The following XRCC6 variants were observed in gnomAD, a reference collection of about 807,000 sequenced individuals.
XRCC6 encodes the protein DNA repair protein Ku70.
XRCC6 carries 5 observed loss-of-function variants against 65.7 expected under a neutral mutation model. That is an observed-to-expected ratio of 0.08 (90% CI 0.04 to 0.16). The LOEUF (loss-of-function observed/expected upper bound fraction) is 0.16, where lower values mean the gene tolerates loss of function less well. XRCC6 is among the 10% of genes least tolerant of loss of function. The pLI, the probability that XRCC6 is intolerant of heterozygous loss-of-function variation, is 1.00. For synonymous variants in XRCC6, 270 were observed against 270.6 expected, an observed-to-expected ratio of 1.00 and a Z score of 0.02; for missense variants, 447 against 738.1, an observed-to-expected ratio of 0.61 and a Z score of 4.57.
At chr22:41,628,074 A>G in intron 2 of XRCC6, 44 bp from the exon 3 acceptor site, 1 of 1,376,534 alleles carries the variant, frequency 7.3e-7, no homozygotes, top group Non-Finnish European at 1.0e-6. Flanking sequence ...GTAAACAAAT[A>G]CGAAAACAAG....
chr22:41,626,384 A>C (rs564484228), intron 2 of XRCC6, among the ~76,000 whole-genome samples: 14 of 152,258 alleles, frequency 9.2e-5, no homozygotes, highest in African/African-American at 3.4e-4. Flanking sequence ...CTCGTGATCC[A>C]CATGCCTCGG....
intron 9 of XRCC6, 151 bp from the exon 10 acceptor site, chr22:41,656,752 T>C: frequency 1.1e-6 from 1 of 947,892 alleles, no homozygotes; most frequent in Non-Finnish European, 1.5e-6. Flanking sequence ...AGGCAGATGA[T>C]AACAAAAACC....
chr22:41,658,489 C>A, intron 11 of XRCC6, 137 bp downstream of exon 11: 1 of 791,348 alleles, frequency 1.3e-6, no homozygotes, highest in Non-Finnish European at 2.1e-6. Context: ...TGTTTGGAAG[C>A]TTTTCCAGAC....
chr22:41,653,446 A>G (rs2068018882), intron 8 of XRCC6, 83 bp from the exon 9 acceptor site: 4 of 1,324,950 alleles, frequency 3.0e-6, no homozygotes, highest in Non-Finnish European at 4.1e-6. Flanking sequence ...TTTAAAGAAA[A>G]TGGAAGAGAA....
chr22:41,626,256 C>T (rs1163169653), intron 2 of XRCC6, among the ~76,000 whole-genome samples: 1 of 151,764 alleles, frequency 6.6e-6, no homozygotes, highest in Non-Finnish European at 1.5e-5. Flanking sequence ...GATTCTCCCA[C>T]CTCAGCCTCC....
intron 6 of XRCC6, among the ~76,000 whole-genome samples, chr22:41,638,317 G>C (rs1014834351): frequency 7.2e-5 from 11 of 152,148 alleles, no homozygotes; most frequent in African/African-American, 2.7e-4. Flanking sequence ...TGCAAACATA[G>C]AGGGTACTTC....
chr22:41,623,034 T>C (rs2067628190), intron 2 of XRCC6, among the ~76,000 whole-genome samples: 1 of 152,136 alleles, frequency 6.6e-6, no homozygotes, highest in African/African-American at 2.4e-5. Context: ...TACCAGCATT[T>C]TGACATTTTT....
intron 2 of XRCC6, among the ~76,000 whole-genome samples, chr22:41,627,615 A>G (rs1293935968): frequency 1.3e-5 from 2 of 151,370 alleles, no homozygotes; most frequent in African/African-American, 4.8e-5. Flanking sequence ...GTCTCAAAAA[A>G]AAAAAAAAAA....
intron 9 of XRCC6, among the ~76,000 whole-genome samples, chr22:41,655,327 GT>G (rs200998071): frequency 0.026 from 3,653 of 141,240 alleles, 108 homozygotes; most frequent in African/African-American, 0.071. Context: ...ATTCATTTTA[GT>G]TTTTTTTTTT....
intron 3 of XRCC6, among the ~76,000 whole-genome samples, chr22:41,635,796 C>G (rs2067803367): frequency 1.3e-5 from 2 of 152,122 alleles, no homozygotes; most frequent in Non-Finnish European, 2.9e-5. Flanking sequence ...CCCACCTCAG[C>G]CTCCCAAAGT....
intron 8 of XRCC6, among the ~76,000 whole-genome samples, chr22:41,652,863 G>A (rs184385572): frequency 8.2e-4 from 124 of 151,682 alleles, no homozygotes; most frequent in African/African-American, 2.9e-3. Flanking sequence ...TAGTAGAGAT[G>A]GGGTTTTACC....
intron 2 of XRCC6, among the ~76,000 whole-genome samples, chr22:41,624,629 A>T (rs1225043483): frequency 6.7e-6 from 1 of 148,836 alleles, no homozygotes; most frequent in Non-Finnish European, 1.5e-5. Context: ...CAGAGCTTGC[A>T]GTGAGCTGAG....
intron 3 of XRCC6, among the ~76,000 whole-genome samples, chr22:41,632,195 T>G (rs1234261049): frequency 6.6e-6 from 1 of 151,982 alleles, no homozygotes; most frequent in Non-Finnish European, 1.5e-5. Flanking sequence ...GGAGAGGGAT[T>G]ACTGTTTCTT....
At chr22:41,640,499 G>A (rs933574832) in intron 6 of XRCC6, among the ~76,000 whole-genome samples, 1 of 152,104 alleles carries the variant, frequency 6.6e-6, no homozygotes, top group Non-Finnish European at 1.5e-5. Context: ...TAACCAGGCT[G>A]GTCTGAGACT....
chr22:41,623,532 C>T (rs891629614), intron 2 of XRCC6, among the ~76,000 whole-genome samples: 1 of 151,870 alleles, frequency 6.6e-6, no homozygotes, highest in African/African-American at 2.4e-5. Context: ...GGACCATAGG[C>T]GCCCACCACC....
In XRCC6 at chr22:41,628,225, A is replaced by G. The variant is rs2067699883; in HGVS notation, c.190A>G (p.Ile64Val). The G allele has an allele frequency of 6.2e-7, 1 of 1,611,906 alleles. No individual in the cohort carries two copies. The highest frequency in any genetic ancestry group is 1.3e-5 in the African/African-American group (1 of 74,838). The change falls in exon 3 of 13, where the codon ATC becomes GTC. Residue 64 changes from isoleucine (I) to valine (V), a missense_variant. Coordinates refer to ENST00000360079, the MANE Select transcript of XRCC6 (RefSeq NM_001469.5). ...EDELTPFDMS[I>V]QCIQSVYISK... ...TGAGTTGACACCTTTTGACATGAGC[A>G]TCCAGGTAAGACTACCTTTTAATTT...
At chr22:41,638,409 A>G (rs973178525) in intron 6 of XRCC6, among the ~76,000 whole-genome samples, 1 of 152,188 alleles carries the variant, frequency 6.6e-6, no homozygotes, top group African/African-American at 2.4e-5. Flanking sequence ...CCTGTATAGC[A>G]TATTACCATA....
intron 2 of XRCC6, among the ~76,000 whole-genome samples, chr22:41,625,396 C>T (rs2067658984): frequency 6.6e-6 from 1 of 152,158 alleles, no homozygotes; most frequent in Non-Finnish European, 1.5e-5. Flanking sequence ...GAGTAGGAGG[C>T]TGAGGCAGGC....
intron 5 of XRCC6, 91 bp from the exon 6 acceptor site, chr22:41,637,517 T>C: frequency 8.0e-7 from 1 of 1,246,172 alleles, no homozygotes; most frequent in Non-Finnish European, 1.1e-6. Context: ...TCAGGGAGCT[T>C]TTAAAAGCAT....
Sources: gnomAD v4.1 joint callset for allele counts (sites outside exome capture counted in the v4.1 genomes callset) on GRCh38, gnomAD v4.1.1 for gene constraint, MANE v1.5 for transcripts, NCBI Gene and HGNC (gene_info 2026-07-23, HGNC 2026-07-21) for gene names.